The following SUGCT variants were observed in gnomAD, a reference collection of about 807,000 sequenced individuals.
The protein encoded by SUGCT is succinyl-CoA:glutarate CoA-transferase.
A neutral mutation model predicts 55.0 loss-of-function variants in SUGCT; 41 were observed. The observed-to-expected ratio is 0.74, with a 90% CI of 0.58 to 0.97. The LOEUF (loss-of-function observed/expected upper bound fraction) is 0.97, where lower values mean the gene tolerates loss of function less well. Ranked by LOEUF, SUGCT falls within the 50% of genes least tolerant of loss-of-function variation. SUGCT has a pLI of 0.00. For missense variants in SUGCT, 568 were observed against 547.8 expected (o/e 1.04, Z -0.37); for synonymous variants, 187 against 200.4 (o/e 0.93, Z 0.56).
At chr7:40,192,017 A>T (rs1785941689) in intron 5 of SUGCT, among the ~76,000 whole-genome samples, 1 of 148,214 alleles carries the variant, frequency 6.7e-6, no homozygotes, top group African/African-American at 2.5e-5. Flanking sequence ...CTGAGGCAGG[A>T]GAATTGCTTG....
At chr7:41,030,187 G>A in the SUGCT span, among the ~76,000 whole-genome samples, 2 of 151,632 alleles carry the variant, frequency 1.3e-5, no homozygotes, top group Non-Finnish European at 2.9e-5. Context: ...CTTTTTGTCA[G>A]TTATGAATAA....
intron 12 of SUGCT, among the ~76,000 whole-genome samples, chr7:40,564,167 A>G (rs1330218062): frequency 6.6e-6 from 1 of 152,134 alleles, no homozygotes; most frequent in African/African-American, 2.4e-5. Context: ...AGGTCAGGAG[A>G]TCGAGACCAT....
At chr7:40,949,084 A>T in the SUGCT span, among the ~76,000 whole-genome samples, 300 of 152,266 alleles carry the variant, frequency 2.0e-3, 1 homozygote, top group Non-Finnish European at 3.3e-3. Context: ...GTGTAAAAGC[A>T]TTCCTAGTTC....
chr7:40,395,850 A>G (rs1243030508), intron 9 of SUGCT, among the ~76,000 whole-genome samples: 1 of 152,206 alleles, frequency 6.6e-6, no homozygotes, highest in East Asian at 1.9e-4. Flanking sequence ...AAAAAAATGA[A>G]GAGTTTAATT....
chr7:40,384,468 G>T (rs997043880), intron 9 of SUGCT, among the ~76,000 whole-genome samples: 9 of 152,010 alleles, frequency 5.9e-5, no homozygotes, highest in African/African-American at 1.9e-4. Context: ...TAGATCACAG[G>T]TTCCCTGTGG....
At chr7:40,252,485 T>C (rs1253565016) in intron 7 of SUGCT, among the ~76,000 whole-genome samples, 1 of 152,162 alleles carries the variant, frequency 6.6e-6, no homozygotes, top group African/African-American at 2.4e-5. Flanking sequence ...AGATATTTTA[T>C]GAAACAGAAC....
intron 12 of SUGCT, among the ~76,000 whole-genome samples, chr7:40,589,510 CT>C (rs1214926680): frequency 6.6e-6 from 1 of 152,076 alleles, no homozygotes; most frequent in Non-Finnish European, 1.5e-5. Flanking sequence ...TCCAGAAGCC[CT>C]TTTTATAGTG....
intron 1 of SUGCT, chr7:40,141,933 C>CT: frequency 3.5e-6 from 1 of 287,468 alleles, no homozygotes; most frequent in South Asian, 3.4e-5. Flanking sequence ...CACGTGGCCC[C>CT]GCTGCTGTGT....
chr7:40,836,820 T>C (rs764238005), intron 13 of SUGCT, among the ~76,000 whole-genome samples: 21 of 152,220 alleles, frequency 1.4e-4, no homozygotes, highest in Non-Finnish European at 1.9e-4. Context: ...TATTCTTTGA[T>C]ATAGAATACA....
At chr7:40,333,044 G>T (rs1796417445) in intron 9 of SUGCT, among the ~76,000 whole-genome samples, 1 of 152,030 alleles carries the variant, frequency 6.6e-6, no homozygotes, top group African/African-American at 2.4e-5. Flanking sequence ...AATGCTAAAA[G>T]CATAAAAAAA....
the SUGCT span, among the ~76,000 whole-genome samples, chr7:41,002,291 G>A: frequency 1.2e-4 from 18 of 152,290 alleles, no homozygotes; most frequent in Admixed American, 7.8e-4. Context: ...AAAGTGCTGG[G>A]ATTACAGGCA....
chr7:40,398,422 C>A (rs1351464217), intron 9 of SUGCT, among the ~76,000 whole-genome samples: 1 of 151,732 alleles, frequency 6.6e-6, no homozygotes, highest in African/African-American at 2.4e-5. Flanking sequence ...TAAGACAATT[C>A]TGAGGTATAT....
chr7:40,439,605 C>T (rs745684549), intron 9 of SUGCT, among the ~76,000 whole-genome samples: 3 of 152,158 alleles, frequency 2.0e-5, no homozygotes, highest in Non-Finnish European at 2.9e-5. Flanking sequence ...CCCGGTGCTA[C>T]GCCACTGTCT....
At chr7:40,946,204 A>G in the SUGCT span, among the ~76,000 whole-genome samples, 1 of 151,158 alleles carries the variant, frequency 6.6e-6, no homozygotes, top group East Asian at 2.0e-4. Flanking sequence ...GATGGGATTT[A>G]TGCTTGCTTT....
chr7:40,195,708 C>CTTTTTTTTTTTTTT (rs928397687), intron 6 of SUGCT, among the ~76,000 whole-genome samples: 1 of 69,404 alleles, frequency 1.4e-5, no homozygotes. Context: ...GAAAACAATT[C>CTTTTTTTTTTTTTT]TTTTTTTTTT....
chr7:40,975,624 A>G, the SUGCT span, among the ~76,000 whole-genome samples: 44 of 152,290 alleles, frequency 2.9e-4, no homozygotes, highest in East Asian at 7.3e-3. Flanking sequence ...CAGGCATAAC[A>G]TCTGCTTCCT....
chr7:40,834,869 G>A (rs1033504704), intron 13 of SUGCT, among the ~76,000 whole-genome samples: 9 of 152,164 alleles, frequency 5.9e-5, no homozygotes, highest in Non-Finnish European at 1.0e-4. Flanking sequence ...TGTTTTGACA[G>A]GATAGTATTC....
At chr7:40,592,075 TTTTTTTACTGTAGAAAGTGTCAAA>T (rs1797755245) in intron 12 of SUGCT, among the ~76,000 whole-genome samples, 1 of 152,182 alleles carries the variant, frequency 6.6e-6, no homozygotes, top group African/African-American at 2.4e-5. Flanking sequence ...AAAGACAGAA[TTTTTTTACTGTAGAAAGTGTCAAA>T]TTTACATTAG....
intron 12 of SUGCT, among the ~76,000 whole-genome samples, chr7:40,602,623 G>A (rs1332931135): frequency 6.6e-6 from 1 of 152,308 alleles, no homozygotes; most frequent in South Asian, 2.1e-4. Context: ...ACAGTTTGCT[G>A]TTTACTCATA....
Sources: allele counts gnomAD v4.1 joint callset (sites outside exome capture counted in the v4.1 genomes callset), GRCh38; gene constraint gnomAD v4.1.1; transcripts MANE v1.5; gene names NCBI Gene and HGNC (gene_info 2026-07-23, HGNC 2026-07-21).